Variants in COPB2 observed in about 807,000 individuals in gnomAD.
COPB2 encodes coat protein complex I subunit beta 2, also known as coatomer subunit beta'.
A neutral mutation model predicts 120.8 loss-of-function variants in COPB2; 16 were observed. The observed-to-expected ratio is 0.13, with a 90% CI of 0.09 to 0.20. COPB2 has a LOEUF of 0.20. Ranked by LOEUF, COPB2 falls within the 10% of genes least tolerant of loss-of-function variation. The pLI is 1.00. For synonymous variants in COPB2, 332 were observed against 366.3 expected (o/e 0.91, Z 1.07); for missense variants, 794 against 1,076.5 (o/e 0.74, Z 3.67).
chr3:139,369,127 C>G lies in COPB2; in HGVS notation c.1401+134G>C, dbSNP rs183900351. ...TAAGAAGTTATTTAAATTCTAAGTG[C>G]TGTTTTATATTTTAAATGGCTTTTG... is the stretch of plus-strand genomic sequence containing the variant. On this transcript the variant is annotated intron_variant, in intron 12 of 21. Transcript: ENST00000333188. 2.6e-5 allele frequency: 15 copies of G among 583,108 alleles called. No individual in the cohort carries two copies. The Admixed American group carries it at 3.3e-4, about 13-fold the overall frequency. The allele number at this position is 583,108 out of a possible 1,614,324, so 36.1% of individuals were successfully genotyped here.
chr3:139,358,878 C>T (rs1941351847), intron 19 of COPB2, 66 bp from the exon 20 acceptor site: 2 of 1,565,248 alleles, frequency 1.3e-6, no homozygotes, highest in Non-Finnish European at 1.8e-6. Flanking sequence ...ATGAACTTGG[C>T]CTAAATCCCA....
chr3:139,375,707 A>T (rs527251240), intron 5 of COPB2, 93 bp from the exon 6 acceptor site: 2 of 1,400,306 alleles, frequency 1.4e-6, no homozygotes, highest in African/African-American at 2.9e-5. Flanking sequence ...GTAAAATGCC[A>T]AAGCCCAGGA....
At chr3:139,382,215 G>A (rs1941828759) in intron 2 of COPB2, 1 of 152,132 alleles carries the variant, frequency 6.6e-6, no homozygotes, top group South Asian at 2.1e-4. Flanking sequence ...CATGGGGGTG[G>A]ATTTCCCCCT....
In COPB2 at chr3:139,379,396, C is replaced by G; in HGVS notation, c.212G>C (p.Trp71Ser). 6.2e-7 allele frequency: 1 copy of G among 1,614,032 alleles called. No individual in the cohort carries two copies. The highest frequency in any genetic ancestry group is 8.5e-7 in the Non-Finnish European group (1 of 1,179,948). The change falls in exon 3 of 22, where the codon TGG (tryptophan) becomes TCG (serine). Residue 71 changes from tryptophan to serine, a missense_variant. By Grantham distance (177) the Trp-to-Ser change is radical. Transcript: ENST00000333188. ...RAAKFVARKN[W>S]VVTGADDMQI... The stretch of plus-strand genomic sequence containing the variant: ...ATTACTTACCGCTCCTGTCACAACC[C>G]AATTCTTCCTTGCAACAAACTTTGC...
At chr3:139,361,939 T>A (rs1168481843) in intron 16 of COPB2, among the ~76,000 whole-genome samples, 1 of 152,248 alleles carries the variant, frequency 6.6e-6, no homozygotes, top group Non-Finnish European at 1.5e-5. Flanking sequence ...GAGCATCTGC[T>A]GCTGAAGGTG....
intron 2 of COPB2, 75 bp downstream of exon 2, chr3:139,383,223 A>C: frequency 6.5e-7 from 1 of 1,532,400 alleles, no homozygotes; most frequent in Admixed American, 1.7e-5. Flanking sequence ...TTCTGTTATA[A>C]TATTTCTTCT....
At chr3:139,359,225 C>G (rs375227844) in intron 18 of COPB2, 45 bp downstream of exon 18, 2 of 1,611,650 alleles carry the variant, frequency 1.2e-6, no homozygotes, top group Non-Finnish European at 8.5e-7. Context: ...TAAATGTGCT[C>G]TCTTTTTATT....
intron 21 of COPB2, 110 bp from the exon 22 acceptor site, chr3:139,358,068 G>C (rs1464543214): frequency 3.9e-6 from 4 of 1,026,926 alleles, no homozygotes; most frequent in Non-Finnish European, 1.5e-6. Flanking sequence ...TAGTCAAAAA[G>C]AGCATCTTCC....
At chr3:139,368,032 C>T (rs1216987330) in intron 13 of COPB2, 113 bp downstream of exon 13, 2 of 1,067,408 alleles carry the variant, frequency 1.9e-6, no homozygotes, top group Admixed American at 3.3e-5. Flanking sequence ...TCCTTAAATG[C>T]TGTCTCCCTA....
At chr3:139,371,022 A>C (rs1941615188) in intron 10 of COPB2, among the ~76,000 whole-genome samples, 1 of 152,188 alleles carries the variant, frequency 6.6e-6, no homozygotes, top group Admixed American at 6.5e-5. Flanking sequence ...GCAACATAAA[A>C]TGTGGGGCAA....
chr3:139,368,231 T>A lies in COPB2; in HGVS notation c.1459A>T (p.Ile487Phe). 1 of 1,613,800 alleles carries A rather than the reference T, an allele frequency of 6.2e-7. No individual in the cohort carries two copies. ...VCIATEESFF[I>F]LKYLSEKVLA... ...ACTTTTTCTGACAGATACTTAAGGA[T>A]AAAAAATGATTCCTCAGTAGCAATA... The change falls in exon 13 of 22, where the codon ATC becomes TTC. Residue 487 changes from isoleucine to phenylalanine, a missense_variant. Ile to Phe is a conservative substitution (Grantham distance 21). Transcript: ENST00000333188.
intron 5 of COPB2, among the ~76,000 whole-genome samples, 189 bp from the exon 6 acceptor site, chr3:139,375,803 T>C: frequency 6.6e-6 from 1 of 152,226 alleles, no homozygotes; most frequent in East Asian, 1.9e-4. Flanking sequence ...GCAAAATCAC[T>C]ATGGCGTTCT....
intron 9 of COPB2, 21 bp downstream of exon 9, chr3:139,373,192 A>C: frequency 6.2e-7 from 1 of 1,612,508 alleles, no homozygotes. Context: ...AAGCTGAGGG[A>C]CAATTTTGGT....
chr3:139,359,314 T>C lies in COPB2; in HGVS notation c.2259A>G (p.Glu753=), dbSNP rs1346352701. 1 of 1,614,204 alleles carries C rather than the reference T, an allele frequency of 6.2e-7. No homozygotes were observed. The highest frequency in any genetic ancestry group is 2.2e-5 in the East Asian group (1 of 44,884). The change falls in exon 18 of 22, where the codon GAA becomes GAG. Residue 753 remains glutamate (E), a synonymous_variant. Coordinates refer to ENST00000333188, the MANE Select transcript of COPB2 (RefSeq NM_004766.3). Reference sequence around the variant, plus strand: ...AGTAAGTTCGGGCCAAGAAGGCAGCTTCTGGCAGCCGTCCAGTTCTAATTA... The same window carrying C: ...AGTAAGTTCGGGCCAAGAAGGCAGCCTCTGGCAGCCGTCCAGTTCTAATTA... ...ELLIRTGRLP[E]AAFLARTYLP... is the part of the protein sequence containing the mutation.
rs111492966 is a variant in COPB2 at position 139,377,857 on chromosome 3, C to T, written c.504+184G>A. On this transcript the variant is annotated intron_variant, in intron 5 of 21. Coordinates refer to ENST00000333188, the MANE Select transcript of COPB2 (RefSeq NM_004766.3). ...CTCCTCATTAAGAGCACTGAGTTGC[C>T]ACAATATTTTTCTAAACAGAACATG... 4.4e-3 allele frequency among the ~76,000 whole-genome samples: 668 copies of T among 152,248 alleles called. 1 individual carries two copies. Among genetic ancestry groups the T allele is most frequent in the African/African-American group, 0.014 (581 of 41,532 alleles).
Position 139,366,785 on chromosome 3 carries a change from A to T in COPB2, c.1677-10T>A, listed in dbSNP as rs567151457. On this transcript the variant is annotated splice_polypyrimidine_tract_variant and intron_variant, in intron 14 of 21. Coordinates refer to ENST00000333188, the MANE Select transcript of COPB2 (RefSeq NM_004766.3). ...TAGGAGATACATCGTCCTATAAAAG[A>T]AACAGAAACCAAGTTAGAAATTCAA... 7 of 1,609,210 alleles carry T rather than the reference A, an allele frequency of 4.3e-6. No individual in the cohort carries two copies. In the South Asian group the frequency reaches 7.7e-5, roughly 18 times the overall value.
At chr3:139,383,580 T>C in intron 1 of COPB2, 145 bp from the exon 2 acceptor site, 1 of 705,002 alleles carries the variant, frequency 1.4e-6, no homozygotes, top group Non-Finnish European at 2.2e-6. Context: ...GTCTAAGCAC[T>C]TATTTCTTCA....
intron 1 of COPB2, chr3:139,384,917 C>T (rs2107811126): frequency 6.6e-6 from 1 of 152,340 alleles, no homozygotes; most frequent in East Asian, 1.9e-4. Flanking sequence ...TGTGGACCTC[C>T]TGAAAGAGTT....
Position 139,379,027 on chromosome 3 carries a change from CA to C in COPB2, c.355+19del. ...AATTACCCAAAGAGACGCACATGAC[CA>C]AAAAAGGTCATCTCTTACCACTGCT... On this transcript the variant is annotated intron_variant, in intron 4 of 21. Coordinates refer to ENST00000333188, the MANE Select transcript of COPB2 (RefSeq NM_004766.3). 2.6e-6 allele frequency: 4 copies of C among 1,558,074 alleles called. No homozygotes were observed. The highest frequency in any genetic ancestry group is 1.2e-5 in the South Asian group (1 of 81,752).
Sources: gnomAD v4.1 joint callset for allele counts (sites outside exome capture counted in the v4.1 genomes callset) on GRCh38, gnomAD v4.1.1 for gene constraint, MANE v1.5 for transcripts, NCBI Gene and HGNC (gene_info 2026-07-23, HGNC 2026-07-21) for gene names.